PSG1: variants seen among roughly 807,000 people sequenced by gnomAD.
PSG1 encodes pregnancy specific beta-1-glycoprotein 1.
In PSG1, 60 loss-of-function variants were observed where a neutral mutation model predicts 41.4. The ratio of observed to expected loss-of-function variants is 1.45; its 90% CI spans 1.18 to 1.80. The LOEUF is 1.80. PSG1 is among the 40% of genes most tolerant of loss of function. The probability of loss-of-function intolerance (pLI) is 0.00; values close to 1 mark genes in which losing one functional copy is unlikely to be tolerated. For synonymous variants in PSG1, 256 were observed against 192.9 expected (o/e 1.33, Z -2.71); for missense variants, 806 against 516.9 (o/e 1.56, Z -5.42).
rs544924466 is a variant in PSG1, at chr19:42,876,553, C to G, written c.430+1360G>C. Among the ~76,000 whole-genome samples, 51 of 151,354 alleles carry G rather than the reference C, an allele frequency of 3.4e-4. 2 individuals carry two copies. The highest frequency in any genetic ancestry group is 1.2e-3 in the African/African-American group (49 of 41,236). ...TTCCTTCATTTGTCATGTGAGAGCTCCTGAGTGTGTGTCTCTCTCGCTGGG... is the reference window on the plus strand; with the variant it reads ...TTCCTTCATTTGTCATGTGAGAGCTGCTGAGTGTGTGTCTCTCTCGCTGGG... On this transcript the variant is annotated intron_variant, in intron 2 of 5. Coordinates refer to ENST00000436291, the MANE Select transcript of PSG1 (RefSeq NM_001184825.2).
rs975308448 is a variant in PSG1, at chr19:42,872,876, G to T, written c.431-831C>A. On this transcript the variant is annotated intron_variant, in intron 2 of 5. Coordinates refer to ENST00000436291, the MANE Select transcript of PSG1 (RefSeq NM_001184825.2). ...AAATGCAGAACTGACTGGTGGAAAGGGCGATCATGAACTGATGACGGAAGT... is the reference window on the plus strand; with the variant it reads ...AAATGCAGAACTGACTGGTGGAAAGTGCGATCATGAACTGATGACGGAAGT... Among the ~76,000 whole-genome samples the T allele has an allele frequency of 1.3e-5, 2 of 151,818 alleles. 1 individual carries two copies. The highest frequency in any genetic ancestry group is 4.8e-5 in the African/African-American group (2 of 41,302).
intron 1 of PSG1, among the ~76,000 whole-genome samples, chr19:42,878,879 GT>G (rs920648319): frequency 2.5e-4 from 38 of 151,274 alleles, no homozygotes; most frequent in African/African-American, 8.0e-4. Flanking sequence ...TGCCCTGGGT[GT>G]TTTTTTTCCC....
At chr19:42,874,213 T>C (rs1255482645) in intron 2 of PSG1, 1 of 151,728 alleles carries the variant, frequency 6.6e-6, no homozygotes, top group Non-Finnish European at 1.5e-5. Flanking sequence ...TTGTTCCACT[T>C]TTTTTCCCCA....
At chr19:42,873,084 G>C in intron 2 of PSG1, among the ~76,000 whole-genome samples, 1 of 151,598 alleles carries the variant, frequency 6.6e-6, no homozygotes, top group East Asian at 1.9e-4. Flanking sequence ...CAGGAGCTGG[G>C]ATCAGGGGAA....
intron 2 of PSG1, among the ~76,000 whole-genome samples, chr19:42,875,912 G>T (rs1238691777): frequency 4.0e-5 from 6 of 149,504 alleles, no homozygotes; most frequent in Non-Finnish European, 7.4e-5. Context: ...CTGTCCCATG[G>T]TCTTGTCCAC....
chr19:42,879,713 C>T lies in PSG1; in HGVS notation c.-132G>A. On this transcript the variant is annotated 5_prime_UTR_variant, in exon 1 of 6. Transcript: ENST00000436291. ...CTCTTCCCAGGGCAGGAGCAATTCT[C>T]AAGCTCATGGGCAGGGTCAGGCCCA... is the stretch of plus-strand genomic sequence containing the variant. 7.2e-7 allele frequency: 1 copy of T among 1,381,282 alleles called. No individual in the cohort carries two copies. Among genetic ancestry groups the T allele is most frequent in the East Asian group, 2.4e-5 (1 of 41,294 alleles). 85.6% of individuals were successfully genotyped at this position (1,381,282 alleles called of 1,614,324 possible). A position where few individuals can be genotyped will look rare whatever the true frequency, so the allele number is the denominator to read the frequency against.
chr19:42,871,624 C>T (rs1600498136), intron 3 of PSG1, 143 bp downstream of exon 3: 5 of 1,592,520 alleles, frequency 3.1e-6, no homozygotes, highest in Non-Finnish European at 4.3e-6. Context: ...CTCTGGTTTG[C>T]CTGGGGCACA....
At chr19:42,876,412 A>C (rs1971609575) in intron 2 of PSG1, among the ~76,000 whole-genome samples, 1 of 151,408 alleles carries the variant, frequency 6.6e-6, no homozygotes, top group South Asian at 2.1e-4. Context: ...TGGGGGGATG[A>C]AACATGGATG....
chr19:42,879,559 G>A lies in PSG1; in HGVS notation c.23C>T (p.Pro8Leu), dbSNP rs768089659. The A allele has an allele frequency of 1.2e-6, 2 of 1,610,830 alleles. No individual in the cohort carries two copies. Among genetic ancestry groups the A allele is most frequent in the Non-Finnish European group, 1.7e-6 (2 of 1,178,346 alleles). The change falls in exon 1 of 6, where the codon CCC becomes CTC. Residue 8 changes from proline to leucine, a missense_variant. Physicochemically the swap from Pro to Leu is moderately conservative, Grantham distance 98 (BLOSUM62 -3). Coordinates refer to ENST00000436291, the MANE Select transcript of PSG1 (RefSeq NM_001184825.2). ...CTTCCATTTGATGCGCTGTGTGCAG[G>A]GAGGGGCTGAGAGGGTTCCCATGGT... The part of the protein sequence containing the change: MGTLSAP[P>L]CTQRIKWKGL...
chr19:42,873,483 T>C (rs1323828977), intron 2 of PSG1, among the ~76,000 whole-genome samples: 3 of 151,662 alleles, frequency 2.0e-5, no homozygotes, highest in Admixed American at 1.3e-4. Context: ...ATTCTGACTC[T>C]AGTAACAAAA....
rs1058817 is a variant in PSG1, at chr19:42,867,005, C to T, written c.*129G>A. The T allele has an allele frequency of 6.5e-6, 5 of 763,912 alleles. No homozygotes were observed. The highest frequency in any genetic ancestry group is 1.2e-5 in the Non-Finnish European group (5 of 416,922). 47.3% of individuals were successfully genotyped at this position (763,912 alleles called of 1,614,324 possible). ...TGAGTTCTGAGTGGCTCATGCTTCA[C>T]GTACAAGGGTTTTCCCATGAAATTT... On this transcript the variant is annotated 3_prime_UTR_variant, in exon 6 of 6. Transcript: ENST00000436291.
chr19:42,879,389 T>G, intron 1 of PSG1, 129 bp downstream of exon 1: 1 of 1,407,606 alleles, frequency 7.1e-7, no homozygotes. Flanking sequence ...TCTGATCTCA[T>G]GATCCACCCA....
chr19:42,867,140 A>G lies in PSG1; in HGVS notation c.1254T>C (p.Val418=), dbSNP rs4030952. Residue 418 remains valine (V), a synonymous_variant, in exon 6 of 6, where the codon GTT becomes GTC. Coordinates refer to ENST00000436291, the MANE Select transcript of PSG1 (RefSeq NM_001184825.2). ...SMTVEVSDWT[V]P Reference sequence around the variant, plus strand: ...TTGGAGGTACTAGTAGAATTCAGGGAACTGTCCAGTCTACAGGTGGATAAT... The same window carrying G: ...TTGGAGGTACTAGTAGAATTCAGGGGACTGTCCAGTCTACAGGTGGATAAT... The G allele has an allele frequency of 1.3e-6, 1 of 769,234 alleles. No homozygotes were observed. Among genetic ancestry groups the G allele is most frequent in the Non-Finnish European group, 2.4e-6 (1 of 417,292 alleles). The allele number at this position is 769,234 out of a possible 1,614,324, so 47.7% of individuals were successfully genotyped here. A position where few individuals can be genotyped will look rare whatever the true frequency, so the allele number is the denominator to read the frequency against.
In PSG1 at chr19:42,878,758, C is replaced by G. The variant is rs548509229; in HGVS notation, c.65-480G>C. Among the ~76,000 whole-genome samples, 4 of 150,278 alleles carry G rather than the reference C, an allele frequency of 2.7e-5. No homozygotes were observed. The East Asian group carries it at 5.9e-4, about 22-fold the overall frequency. On this transcript the variant is annotated intron_variant, in intron 1 of 5. Coordinates refer to ENST00000436291, the MANE Select transcript of PSG1 (RefSeq NM_001184825.2). ...CTCTTTGCATGTCTGTCTTCCCCCC[C>G]ATGACAGCGTGAGCTCCGTGAAGAC... is the stretch of plus-strand genomic sequence containing the variant.
In PSG1 at chr19:42,866,968, C is replaced by T. The variant is rs547550749; in HGVS notation, c.*166G>A. 4.9e-5 allele frequency: 37 copies of T among 757,860 alleles called. No homozygotes were observed. Among genetic ancestry groups the T allele is most frequent in the Middle Eastern group, 3.2e-4 (1 of 3,150 alleles). 46.9% of individuals were successfully genotyped at this position (757,860 alleles called of 1,614,324 possible). ...GTTTGAGCATCTGTTGTTATGGTGT[C>T]GAATATTTTGGTGAGTTCTGAGTGG... On this transcript the variant is annotated 3_prime_UTR_variant, in exon 6 of 6. Transcript: ENST00000436291.
chr19:42,872,048 G>C lies in PSG1; in HGVS notation c.431-3C>G. The C allele has an allele frequency of 6.2e-7, 1 of 1,608,036 alleles. No homozygotes were observed. The highest frequency in any genetic ancestry group is 8.5e-7 in the Non-Finnish European group (1 of 1,176,926). ...GATGGAGGGCTTAGGAGTCTCCACT[G>C]TGCAGAAAACAGGGTGAAGATTGCC... On this transcript the variant is annotated splice_polypyrimidine_tract_variant and splice_region_variant and intron_variant, in intron 2 of 5. Coordinates refer to ENST00000436291, the MANE Select transcript of PSG1 (RefSeq NM_001184825.2).
chr19:42,867,384 C>T (rs1024226865), intron 5 of PSG1: 3 of 575,838 alleles, frequency 5.2e-6, no homozygotes, highest in African/African-American at 3.8e-5. Context: ...AGGCTGTCTT[C>T]TAAAATTTTC....
At chr19:42,875,789 C>G (rs563783848) in intron 2 of PSG1, among the ~76,000 whole-genome samples, 1 of 150,858 alleles carries the variant, frequency 6.6e-6, no homozygotes. Flanking sequence ...TACTGCAAAC[C>G]GCCATTTCAA....
chr19:42,878,243 C>A lies in PSG1; in HGVS notation c.100G>T (p.Ala34Ser). The change falls in exon 2 of 6, where the codon GCC (alanine) becomes TCC (serine). Residue 34 changes from alanine (A) to serine (S), a missense_variant. Coordinates refer to ENST00000436291, the MANE Select transcript of PSG1 (RefSeq NM_001184825.2). ...LLNFWNLPTTAQVTIEAEPTK... is the reference protein window; with the variant it reads ...LLNFWNLPTTSQVTIEAEPTK... The stretch of plus-strand genomic sequence containing the variant: ...GGCTCGGCTTCAATCGTGACTTGGG[C>A]AGTGGTGGGCAGGTTCCAGAAGTTT... 1 of 1,609,830 alleles carries A rather than the reference C, an allele frequency of 6.2e-7. No homozygotes were observed. Among genetic ancestry groups the A allele is most frequent in the South Asian group, 1.1e-5 (1 of 90,174 alleles).
Sources: allele counts gnomAD v4.1 joint callset (sites outside exome capture counted in the v4.1 genomes callset), GRCh38; gene constraint gnomAD v4.1.1; transcripts MANE v1.5; gene names NCBI Gene and HGNC (gene_info 2026-07-23, HGNC 2026-07-21).